The following CDH13 variants were observed in gnomAD, a reference collection of about 807,000 sequenced individuals.
The protein encoded by CDH13 is cadherin 13.
Under a neutral mutation model 63.8 loss-of-function variants are expected in CDH13, and 24 were observed. The ratio of observed to expected loss-of-function variants is 0.38; its 90% CI spans 0.27 to 0.53. The LOEUF (loss-of-function observed/expected upper bound fraction) is 0.53. Among genes scored for constraint, CDH13 ranks in the 20% least tolerant of loss-of-function variants. The probability of loss-of-function intolerance (pLI) is 0.85; values close to 1 mark genes in which losing one functional copy is unlikely to be tolerated. For missense variants in CDH13, 1,049 were observed against 903.1 expected (o/e 1.16, Z -2.07); for synonymous variants, 503 against 355.3 (o/e 1.42, Z -4.67).
rs1598149069 is a variant in CDH13 at position 83,493,687 on chromosome 16, AAAAGGCTTCT to A, written c.960+7035_960+7044del. ...GGGCAGGGAGTTTGAACAAGATTGC[AAAAGGCTTCT>A]AATGTCATTCAAACGATTATAGCTA... On this transcript the variant is annotated intron_variant, in intron 7 of 13. Coordinates refer to ENST00000567109, the MANE Select transcript of CDH13 (RefSeq NM_001257.5). Among the ~76,000 whole-genome samples the A allele has an allele frequency of 2.0e-5, 3 of 152,370 alleles. No individual in the cohort carries two copies. In the East Asian group the frequency reaches 5.8e-4, roughly 29 times the overall value.
intron 6 of CDH13, among the ~76,000 whole-genome samples, chr16:83,442,314 A>C (rs2072502107): frequency 6.6e-6 from 1 of 152,182 alleles, no homozygotes; most frequent in Non-Finnish European, 1.5e-5. Flanking sequence ...TTCTATGTGA[A>C]TCTAGATGAG....
chr16:82,692,406 G>A (rs1048599741), intron 1 of CDH13, among the ~76,000 whole-genome samples: 5 of 152,218 alleles, frequency 3.3e-5, no homozygotes, highest in Non-Finnish European at 7.3e-5. Context: ...GGTGGAAGGC[G>A]AAAGAGGAGC....
At chr16:82,752,962 C>T (rs1183739948) in intron 1 of CDH13, among the ~76,000 whole-genome samples, 1 of 152,158 alleles carries the variant, frequency 6.6e-6, no homozygotes, top group Non-Finnish European at 1.5e-5. Context: ...CAGTCAAATA[C>T]ATTTGTAAAA....
In CDH13 at chr16:83,055,703, C is replaced by G. The variant is rs140153560; in HGVS notation, c.366+23485C>G. 2.6e-5 allele frequency among the ~76,000 whole-genome samples: 4 copies of G among 152,128 alleles called. 1 individual carries two copies. The highest frequency in any genetic ancestry group is 4.1e-4 in the South Asian group (2 of 4,824). On this transcript the variant is annotated intron_variant, in intron 3 of 13. Coordinates refer to ENST00000567109, the MANE Select transcript of CDH13 (RefSeq NM_001257.5). ...AAAATACACTAATCTTATGCAAACT[C>G]TTCTGTAAAATAGAAAAAAAATGAA...
intron 7 of CDH13, among the ~76,000 whole-genome samples, chr16:83,549,713 T>A (rs531061479): frequency 6.6e-6 from 1 of 150,864 alleles, no homozygotes; most frequent in Non-Finnish European, 1.5e-5. Context: ...ATGAAAACGC[T>A]ACCGCATTGA....
chr16:83,425,618 C>G (rs138015984), intron 6 of CDH13, among the ~76,000 whole-genome samples: 1 of 152,236 alleles, frequency 6.6e-6, no homozygotes, highest in African/African-American at 2.4e-5. Context: ...TTGGAGCTTT[C>G]ACTTTATCCT....
intron 10 of CDH13, chr16:83,739,857 C>T (rs775874545): frequency 6.6e-6 from 1 of 152,182 alleles, no homozygotes; most frequent in Non-Finnish European, 1.5e-5. Flanking sequence ...GGCCACTCTT[C>T]TAGATTCTAT....
intron 6 of CDH13, among the ~76,000 whole-genome samples, chr16:83,471,667 T>G (rs370807707): frequency 1.3e-5 from 2 of 152,096 alleles, no homozygotes; most frequent in Admixed American, 6.6e-5. Flanking sequence ...CCCCAGTGAG[T>G]AAACTGAAGG....
At chr16:83,274,011 C>G (rs552033519) in intron 5 of CDH13, among the ~76,000 whole-genome samples, 2 of 152,170 alleles carry the variant, frequency 1.3e-5, no homozygotes, top group African/African-American at 2.4e-5. Context: ...TTCCATCTTC[C>G]TCTCCACCAC....
chr16:83,783,447 G>T lies in CDH13; in HGVS notation c.2109G>T (p.Leu703=). 6.2e-7 allele frequency: 1 copy of T among 1,613,910 alleles called. No homozygotes were observed. The highest frequency in any genetic ancestry group is 8.5e-7 in the Non-Finnish European group (1 of 1,179,800). The change falls in exon 13 of 14, where the codon CTG becomes CTT. Residue 703 remains leucine (L), a synonymous_variant. Coordinates refer to ENST00000567109, the MANE Select transcript of CDH13 (RefSeq NM_001257.5). ...TGCGCTTCAGCCTGCCCTCAGTCCT[G>T]CTCCTCAGCCTCTTCAGCTTAGCTT... ...GALRFSLPSV[L]LLSLFSLACL
intron 7 of CDH13, among the ~76,000 whole-genome samples, chr16:83,509,453 G>C (rs2074503372): frequency 6.6e-6 from 1 of 152,160 alleles, no homozygotes; most frequent in African/African-American, 2.4e-5. Context: ...TTACTTTTTT[G>C]TAGCACAAAA....
rs142648112 is a variant in CDH13, at chr16:83,118,616, T to A, written c.367-6769T>A. Among the ~76,000 whole-genome samples, 640 of 152,314 alleles carry A rather than the reference T, an allele frequency of 4.2e-3. 7 individuals carry two copies. The highest frequency in any genetic ancestry group is 0.013 in the African/African-American group (554 of 41,566). On this transcript the variant is annotated intron_variant, in intron 3 of 13. Coordinates refer to ENST00000567109, the MANE Select transcript of CDH13 (RefSeq NM_001257.5). ...CATTTTCTCACTTCCTCCGTCCTGGTGTTAATAAGACTCATCCTTCATTTT... is the reference window on the plus strand; with the variant it reads ...CATTTTCTCACTTCCTCCGTCCTGGAGTTAATAAGACTCATCCTTCATTTT...
At chr16:83,431,782 C>T (rs780932301) in intron 6 of CDH13, among the ~76,000 whole-genome samples, 5 of 152,136 alleles carry the variant, frequency 3.3e-5, no homozygotes, top group Non-Finnish European at 5.9e-5. Flanking sequence ...CTAAACCATT[C>T]GCAAGAATTC....
At chr16:83,686,275 CCACGAGACTTTGTG>C in intron 10 of CDH13, among the ~76,000 whole-genome samples, 1 of 152,312 alleles carries the variant, frequency 6.6e-6, no homozygotes, top group African/African-American at 2.4e-5. Context: ...GTCCATCTTC[CCACGAGACTTTGTG>C]CTCAGGGAGA....
chr16:82,730,077 T>C (rs963020630), intron 1 of CDH13, among the ~76,000 whole-genome samples: 12 of 152,348 alleles, frequency 7.9e-5, no homozygotes, highest in African/African-American at 2.2e-4. Flanking sequence ...ATTGATCTTC[T>C]ATTCAGACCA....
At chr16:82,667,526 A>T (rs1170166677) in intron 1 of CDH13, among the ~76,000 whole-genome samples, 3 of 152,156 alleles carry the variant, frequency 2.0e-5, no homozygotes, top group Non-Finnish European at 2.9e-5. Flanking sequence ...TTGTGCATGT[A>T]TGATGGGGCT....
At chr16:83,105,732 A>T (rs2034731157) in intron 3 of CDH13, among the ~76,000 whole-genome samples, 2 of 152,208 alleles carry the variant, frequency 1.3e-5, no homozygotes, top group Admixed American at 1.3e-4. Context: ...GATAGAAACC[A>T]CCCCCAAATC....
chr16:83,124,657 T>A (rs1369000929), intron 3 of CDH13, among the ~76,000 whole-genome samples: 1 of 152,146 alleles, frequency 6.6e-6, no homozygotes, highest in Non-Finnish European at 1.5e-5. Context: ...TATGTTTAGG[T>A]CTTTAATCCA....
At chr16:82,678,046 G>A (rs1338018016) in intron 1 of CDH13, among the ~76,000 whole-genome samples, 3 of 152,044 alleles carry the variant, frequency 2.0e-5, no homozygotes, top group African/African-American at 7.2e-5. Flanking sequence ...TGCACAGAAG[G>A]CTTGCATAAA....
Sources: allele counts gnomAD v4.1 joint callset (sites outside exome capture counted in the v4.1 genomes callset), GRCh38; gene constraint gnomAD v4.1.1; transcripts MANE v1.5; gene names NCBI Gene and HGNC (gene_info 2026-07-23, HGNC 2026-07-21).